MDFIC: variants seen among roughly 807,000 people sequenced by gnomAD.
MDFIC encodes MyoD family inhibitor domain containing.
A neutral mutation model predicts 23.2 loss-of-function variants in MDFIC; 17 were observed. That is an observed-to-expected ratio of 0.73 (90% confidence interval 0.50 to 1.10). The LOEUF (loss-of-function observed/expected upper bound fraction) is 1.10, where lower values mean the gene tolerates loss of function less well. MDFIC is among the 50% of genes least tolerant of loss of function. The pLI, the probability that MDFIC is intolerant of heterozygous loss-of-function variation, is 0.00. For missense variants in MDFIC, 356 were observed against 316.6 expected, an observed-to-expected ratio of 1.12 and a Z score of -0.95; for synonymous variants, 120 against 115.2, an observed-to-expected ratio of 1.04 and a Z score of -0.27.
In MDFIC at chr7:115,019,397, C is replaced by A. The variant is rs1347041533; in HGVS notation, c.*3462C>A. On this transcript the variant is annotated 3_prime_UTR_variant, in exon 5 of 5. Coordinates refer to ENST00000393486, the MANE Select transcript of MDFIC (RefSeq NM_001166345.3). The stretch of plus-strand genomic sequence containing the variant: ...TTATCTGAGCAGTTCAAGGAGTAAC[C>A]AAGGCAACCTTATGTAATAACTTTC... 6.6e-6 allele frequency among the ~76,000 whole-genome samples: 1 copy of A among 151,988 alleles called. No individual in the cohort carries two copies. Among genetic ancestry groups the A allele is most frequent in the African/African-American group, 2.4e-5 (1 of 41,380 alleles).
At chr7:114,936,461 G>C (rs1035087842) in intron 2 of MDFIC, among the ~76,000 whole-genome samples, 3 of 152,010 alleles carry the variant, frequency 2.0e-5, no homozygotes, top group Non-Finnish European at 4.4e-5. Flanking sequence ...TCAATAGTTT[G>C]AACAGTTGTC....
At chr7:114,985,143 A>G (rs912124409) in intron 4 of MDFIC, among the ~76,000 whole-genome samples, 3 of 152,220 alleles carry the variant, frequency 2.0e-5, no homozygotes, top group Admixed American at 6.5e-5. Flanking sequence ...GTCTTTGGGC[A>G]GGTTACTTAG....
intron 3 of MDFIC, among the ~76,000 whole-genome samples, chr7:114,953,093 A>C (rs1792810913): frequency 6.6e-6 from 1 of 152,228 alleles, no homozygotes; most frequent in Non-Finnish European, 1.5e-5. Context: ...TATTTACTAC[A>C]GAACATGGAA....
At chr7:114,937,312 T>C (rs1792445077) in intron 2 of MDFIC, among the ~76,000 whole-genome samples, 1 of 152,222 alleles carries the variant, frequency 6.6e-6, no homozygotes, top group Non-Finnish European at 1.5e-5. Flanking sequence ...TGTATTTAAA[T>C]TGATCATTTG....
At chr7:114,971,162 C>A (rs1480217148) in intron 3 of MDFIC, among the ~76,000 whole-genome samples, 3 of 152,136 alleles carry the variant, frequency 2.0e-5, no homozygotes, top group African/African-American at 4.8e-5. Context: ...GTCTAACATA[C>A]AAATATATGG....
chr7:115,013,673 A>C (rs1052778859), intron 4 of MDFIC, among the ~76,000 whole-genome samples: 6 of 152,240 alleles, frequency 3.9e-5, no homozygotes, highest in African/African-American at 1.4e-4. Flanking sequence ...AGTAATAATG[A>C]AGCTGGCTGT....
chr7:114,931,611 C>G (rs1298391124), intron 2 of MDFIC, among the ~76,000 whole-genome samples: 9 of 152,140 alleles, frequency 5.9e-5, no homozygotes, highest in African/African-American at 1.2e-4. Context: ...CAGTCTCTTA[C>G]TGAAATATCA....
At chr7:114,994,886 C>T (rs1043871131) in intron 4 of MDFIC, among the ~76,000 whole-genome samples, 3 of 152,064 alleles carry the variant, frequency 2.0e-5, no homozygotes, top group Admixed American at 6.6e-5. Context: ...TGAATTTGAA[C>T]GTTGGCCTGC....
intron 4 of MDFIC, among the ~76,000 whole-genome samples, chr7:114,992,535 A>C (rs542994989): frequency 6.6e-6 from 1 of 152,150 alleles, no homozygotes; most frequent in African/African-American, 2.4e-5. Flanking sequence ...GCAATACCGA[A>C]TTTATTGAGA....
chr7:115,004,911 C>A (rs984307505), intron 4 of MDFIC, among the ~76,000 whole-genome samples: 1 of 152,100 alleles, frequency 6.6e-6, no homozygotes, highest in African/African-American at 2.4e-5. Flanking sequence ...CAGGCAAGGC[C>A]CTGTCTTTGT....
intron 2 of MDFIC, among the ~76,000 whole-genome samples, chr7:114,931,278 G>A (rs1792303569): frequency 6.6e-6 from 1 of 152,166 alleles, no homozygotes; most frequent in South Asian, 2.1e-4. Flanking sequence ...ATTTTAACAT[G>A]AATTTAATTT....
chr7:114,941,283 T>C (rs1185206357), intron 2 of MDFIC, among the ~76,000 whole-genome samples: 1 of 152,218 alleles, frequency 6.6e-6, no homozygotes, highest in Non-Finnish European at 1.5e-5. Flanking sequence ...TAGTTTGACT[T>C]ATTTTTCTTG....
At chr7:114,977,100 A>G (rs1376793644) in intron 3 of MDFIC, among the ~76,000 whole-genome samples, 10 of 152,216 alleles carry the variant, frequency 6.6e-5, no homozygotes, top group Admixed American at 4.6e-4. Flanking sequence ...AGTATAGCAC[A>G]GTAAAATTTT....
At chr7:114,931,340 A>G (rs548409462) in intron 2 of MDFIC, among the ~76,000 whole-genome samples, 2 of 152,330 alleles carry the variant, frequency 1.3e-5, no homozygotes, top group African/African-American at 4.8e-5. Flanking sequence ...TCACGCCCAC[A>G]TGATCTCAAG....
At chr7:114,955,276 C>T (rs533071478) in intron 3 of MDFIC, among the ~76,000 whole-genome samples, 33 of 152,288 alleles carry the variant, frequency 2.2e-4, no homozygotes, top group African/African-American at 6.7e-4. Flanking sequence ...TTCTCTACTA[C>T]TTCCTTTCAT....
intron 4 of MDFIC, among the ~76,000 whole-genome samples, chr7:114,985,265 G>C (rs907059784): frequency 6.6e-6 from 1 of 152,138 alleles, no homozygotes; most frequent in Non-Finnish European, 1.5e-5. Flanking sequence ...TTAGAATACA[G>C]ACTGGCTCAG....
At chr7:115,008,198 TG>T (rs1223938484) in intron 4 of MDFIC, among the ~76,000 whole-genome samples, 1 of 151,848 alleles carries the variant, frequency 6.6e-6, no homozygotes, top group East Asian at 1.9e-4. Flanking sequence ...ATTTAAAATA[TG>T]AAAGCAACTC....
intron 3 of MDFIC, among the ~76,000 whole-genome samples, chr7:114,976,964 A>G (rs1296789098): frequency 6.6e-6 from 1 of 152,178 alleles, no homozygotes; most frequent in Non-Finnish European, 1.5e-5. Context: ...CCTTAAATGT[A>G]ATACTTTTCC....
At chr7:114,930,845 T>C (rs1305383409) in intron 2 of MDFIC, among the ~76,000 whole-genome samples, 6 of 152,246 alleles carry the variant, frequency 3.9e-5, no homozygotes, top group African/African-American at 1.4e-4. Flanking sequence ...AGGCAGAGGA[T>C]AAATCGTGAT....
Sources: allele counts gnomAD v4.1 joint callset (sites outside exome capture counted in the v4.1 genomes callset), GRCh38; gene constraint gnomAD v4.1.1; transcripts MANE v1.5; gene names NCBI Gene and HGNC (gene_info 2026-07-23, HGNC 2026-07-21).